Variants in EXOC4 observed in about 807,000 individuals in gnomAD.
The protein encoded by EXOC4 is exocyst complex component 4, also known as SEC8-like 1.
A neutral mutation model predicts 107.2 loss-of-function variants in EXOC4; 71 were observed. The ratio of observed to expected loss-of-function variants is 0.66; its 90% CI spans 0.55 to 0.81. The LOEUF is 0.81. Among genes scored for constraint, EXOC4 ranks in the 30% least tolerant of loss-of-function variants. The pLI is 0.00. For synonymous variants in EXOC4, 456 were observed against 441.2 expected (o/e 1.03, Z -0.42); for missense variants, 1,108 against 1,189.6 (o/e 0.93, Z 1.01).
At chr7:133,305,745 A>C in intron 3 of EXOC4, 132 bp from the exon 4 acceptor site, 1 of 687,818 alleles carries the variant, frequency 1.5e-6, no homozygotes, top group African/African-American at 1.8e-5. Context: ...ATACTCTACG[A>C]AGTCTTTTAT....
chr7:134,057,027 C>G (rs1450038481), intron 17 of EXOC4, among the ~76,000 whole-genome samples: 2 of 152,146 alleles, frequency 1.3e-5, no homozygotes, highest in Non-Finnish European at 2.9e-5. Flanking sequence ...TTCAGCGTCT[C>G]CCCAGGAGAA....
At chr7:133,525,597 T>C (rs1308210088) in intron 9 of EXOC4, among the ~76,000 whole-genome samples, 6 of 152,176 alleles carry the variant, frequency 3.9e-5, no homozygotes, top group African/African-American at 1.4e-4. Flanking sequence ...TTTACTGTGT[T>C]AATGAATGCA....
intron 14 of EXOC4, among the ~76,000 whole-genome samples, chr7:133,947,160 A>G (rs976928315): frequency 6.6e-6 from 1 of 152,224 alleles, no homozygotes; most frequent in Non-Finnish European, 1.5e-5. Context: ...TGCTCTAACT[A>G]TTAAATGATC....
intron 13 of EXOC4, among the ~76,000 whole-genome samples, chr7:133,919,725 T>G (rs1799895983): frequency 6.6e-6 from 1 of 152,222 alleles, no homozygotes; most frequent in Non-Finnish European, 1.5e-5. Context: ...TTATTGCTCA[T>G]TTCTTTTTTA....
intron 9 of EXOC4, among the ~76,000 whole-genome samples, chr7:133,483,856 A>C (rs1425234135): frequency 6.6e-6 from 1 of 152,212 alleles, no homozygotes; most frequent in Non-Finnish European, 1.5e-5. Context: ...TCCATTAATG[A>C]CTGGTCCAAG....
intron 14 of EXOC4, among the ~76,000 whole-genome samples, chr7:133,981,648 G>A (rs997133022): frequency 6.6e-6 from 1 of 152,098 alleles, no homozygotes; most frequent in African/African-American, 2.4e-5. Flanking sequence ...ATACCCTCTT[G>A]GTGGGAGTGT....
chr7:133,299,681 T>C (rs1045724666), intron 3 of EXOC4, among the ~76,000 whole-genome samples: 2 of 152,148 alleles, frequency 1.3e-5, no homozygotes, highest in African/African-American at 2.4e-5. Flanking sequence ...AAAGAATAAA[T>C]TCACAAGTAA....
chr7:133,756,781 A>C (rs980666029), intron 10 of EXOC4, among the ~76,000 whole-genome samples: 3 of 152,340 alleles, frequency 2.0e-5, no homozygotes, highest in Admixed American at 2.0e-4. Flanking sequence ...AAGAAAGTAG[A>C]AAATTGGAAG....
At chr7:133,466,688 A>G (rs533060443) in intron 7 of EXOC4, among the ~76,000 whole-genome samples, 1 of 152,216 alleles carries the variant, frequency 6.6e-6, no homozygotes, top group East Asian at 1.9e-4. Flanking sequence ...CTAGGCCAGT[A>G]TTACCCTGAT....
chr7:133,884,420 G>A (rs554132476), intron 11 of EXOC4, among the ~76,000 whole-genome samples: 2 of 152,072 alleles, frequency 1.3e-5, no homozygotes, highest in South Asian at 2.1e-4. Flanking sequence ...CCATGAAATC[G>A]GCCAAGGGCC....
intron 7 of EXOC4, among the ~76,000 whole-genome samples, chr7:133,459,080 C>T (rs1156720247): frequency 6.6e-6 from 1 of 152,162 alleles, no homozygotes; most frequent in Non-Finnish European, 1.5e-5. Flanking sequence ...CTGTTGCTGT[C>T]TTCTCTGTAG....
chr7:133,927,316 A>C (rs191599938), intron 13 of EXOC4, among the ~76,000 whole-genome samples: 66 of 152,306 alleles, frequency 4.3e-4, no homozygotes. Context: ...TTTTTCATCC[A>C]ATTCAGATTA....
intron 14 of EXOC4, among the ~76,000 whole-genome samples, chr7:133,968,301 AGTCTGT>A (rs1801118768): frequency 6.6e-6 from 1 of 152,164 alleles, no homozygotes. Flanking sequence ...CCAATTTGCC[AGTCTGT>A]GTCTTTTAAA....
chr7:134,059,574 T>C (rs190693233), intron 17 of EXOC4, among the ~76,000 whole-genome samples: 4 of 152,194 alleles, frequency 2.6e-5, no homozygotes, highest in Non-Finnish European at 4.4e-5. Flanking sequence ...AGAGCTTTTT[T>C]AGAAAGCAAC....
intron 3 of EXOC4, among the ~76,000 whole-genome samples, chr7:133,302,413 T>C (rs1794660465): frequency 6.6e-6 from 1 of 152,202 alleles, no homozygotes; most frequent in Non-Finnish European, 1.5e-5. Flanking sequence ...CATATCTGTT[T>C]TCCTCCAAAA....
intron 13 of EXOC4, among the ~76,000 whole-genome samples, chr7:133,921,003 A>G (rs921561519): frequency 2.6e-5 from 4 of 152,198 alleles, no homozygotes; most frequent in Admixed American, 6.5e-5. Context: ...ATAGACAGAT[A>G]GATTAATTGA....
intron 1 of EXOC4, among the ~76,000 whole-genome samples, chr7:133,267,592 G>A (rs1470877274): frequency 6.6e-6 from 1 of 152,080 alleles, no homozygotes; most frequent in Non-Finnish European, 1.5e-5. Flanking sequence ...TTACCTCCCA[G>A]CTCCCCTCAC....
At chr7:133,583,772 GAGAT>G (rs1215259352) in intron 9 of EXOC4, among the ~76,000 whole-genome samples, 2 of 152,192 alleles carry the variant, frequency 1.3e-5, no homozygotes, top group Non-Finnish European at 2.9e-5. Flanking sequence ...CCTGAAGGCA[GAGAT>G]AGACTGAAAG....
intron 9 of EXOC4, among the ~76,000 whole-genome samples, chr7:133,534,455 GC>G (rs1271432579): frequency 1.3e-5 from 2 of 152,122 alleles, no homozygotes; most frequent in African/African-American, 4.8e-5. Flanking sequence ...CACATTAGCA[GC>G]AAATCTGAAC....
Sources: gnomAD v4.1 joint callset for allele counts (sites outside exome capture counted in the v4.1 genomes callset) on GRCh38, gnomAD v4.1.1 for gene constraint, MANE v1.5 for transcripts, NCBI Gene and HGNC (gene_info 2026-07-23, HGNC 2026-07-21) for gene names.